CADPS: variants seen among roughly 807,000 people sequenced by gnomAD.
The protein encoded by CADPS is calcium-dependent secretion activator 1.
Under a neutral mutation model 167.3 loss-of-function variants are expected in CADPS, and 57 were observed. That is an observed-to-expected ratio of 0.34 (90% CI 0.28 to 0.42). The LOEUF (loss-of-function observed/expected upper bound fraction) is 0.42, where lower values mean the gene tolerates loss of function less well. Among genes scored for constraint, CADPS ranks in the 20% least tolerant of loss-of-function variants. CADPS has a pLI of 1.00. For synonymous variants in CADPS, 676 were observed against 635.3 expected, an observed-to-expected ratio of 1.06 and a Z score of -0.96; for missense variants, 1,414 against 1,738.1, an observed-to-expected ratio of 0.81 and a Z score of 3.32.
chr3:62,827,341 G>A (rs1338100012), intron 1 of CADPS, among the ~76,000 whole-genome samples: 3 of 152,132 alleles, frequency 2.0e-5, no homozygotes, highest in Admixed American at 1.3e-4. Context: ...ACCTTATGGG[G>A]GATGAACAAG....
At chr3:62,661,393 C>T (rs2073167504) in intron 4 of CADPS, among the ~76,000 whole-genome samples, 1 of 152,066 alleles carries the variant, frequency 6.6e-6, no homozygotes. Context: ...AGGGGAGAAA[C>T]ATGGTTACTC....
intron 8 of CADPS, among the ~76,000 whole-genome samples, chr3:62,576,813 A>AAAAAAAAAAAAAAAG (rs1562375615): frequency 1.0e-4 from 15 of 149,402 alleles, no homozygotes; most frequent in African/African-American, 3.5e-4. Flanking sequence ...AAAAAAAAAA[A>AAAAAAAAAAAAAAAG]AAAAGCAGTC....
At chr3:62,772,937 G>T (rs962514503) in intron 1 of CADPS, among the ~76,000 whole-genome samples, 3 of 152,046 alleles carry the variant, frequency 2.0e-5, no homozygotes, top group Non-Finnish European at 4.4e-5. Context: ...AAAGTATAAT[G>T]TCAGCATTGT....
At chr3:62,579,215 G>A (rs1029060358) in intron 8 of CADPS, among the ~76,000 whole-genome samples, 3 of 152,150 alleles carry the variant, frequency 2.0e-5, no homozygotes, top group Non-Finnish European at 2.9e-5. Context: ...AGGTTGGATC[G>A]AAAGCAATAA....
chr3:62,693,410 A>T (rs36020794), intron 3 of CADPS, among the ~76,000 whole-genome samples: 12,078 of 152,160 alleles, frequency 0.079, 633 homozygotes, highest in Non-Finnish European at 0.12. Context: ...CCCAGCCTCA[A>T]GCCAGACACA....
intron 3 of CADPS, among the ~76,000 whole-genome samples, chr3:62,693,421 G>A (rs961078351): frequency 6.6e-6 from 1 of 152,068 alleles, no homozygotes; most frequent in African/African-American, 2.4e-5. Flanking sequence ...GCCAGACACA[G>A]AGCAGGTTCT....
At chr3:62,445,920 C>G (rs527237297) in intron 26 of CADPS, 123 bp from the exon 27 acceptor site, 1 of 574,176 alleles carries the variant, frequency 1.7e-6, no homozygotes, top group African/African-American at 1.9e-5. Flanking sequence ...CCAGGAAAAA[C>G]AGAAAGGTAC....
intron 16 of CADPS, chr3:62,513,798 A>G (rs142318392): frequency 1.2e-4 from 94 of 766,230 alleles, no homozygotes; most frequent in Admixed American, 7.1e-4. Context: ...CATTAGCTCA[A>G]AGGAAAATAG....
intron 28 of CADPS, among the ~76,000 whole-genome samples, chr3:62,436,606 C>T (rs1243370753): frequency 1.3e-5 from 2 of 152,152 alleles, no homozygotes; most frequent in Non-Finnish European, 2.9e-5. Flanking sequence ...AGGGGGAGGA[C>T]CCGCTGGTGA....
chr3:62,589,778 G>T (rs538296644), intron 7 of CADPS, among the ~76,000 whole-genome samples: 1 of 152,264 alleles, frequency 6.6e-6, no homozygotes, highest in South Asian at 2.1e-4. Context: ...TAAAACAAAG[G>T]ATTTCAATAT....
At chr3:62,857,310 C>G (rs1295148111) in intron 1 of CADPS, among the ~76,000 whole-genome samples, 2 of 151,982 alleles carry the variant, frequency 1.3e-5, no homozygotes, top group East Asian at 3.9e-4. Context: ...CACTCATGCT[C>G]CACTAGTGGG....
chr3:62,662,677 C>A (rs1479767844), intron 3 of CADPS, among the ~76,000 whole-genome samples: 1 of 152,108 alleles, frequency 6.6e-6, no homozygotes, highest in Non-Finnish European at 1.5e-5. Flanking sequence ...TAATGAGGAC[C>A]AATGCACACT....
intron 3 of CADPS, among the ~76,000 whole-genome samples, chr3:62,745,124 C>A (rs2081175824): frequency 6.6e-6 from 1 of 152,044 alleles, no homozygotes; most frequent in Non-Finnish European, 1.5e-5. Context: ...GCTCTGTCAC[C>A]CAGGCTGGAG....
intron 1 of CADPS, among the ~76,000 whole-genome samples, chr3:62,832,265 G>C (rs1345978449): frequency 6.6e-6 from 1 of 152,172 alleles, no homozygotes; most frequent in African/African-American, 2.4e-5. Flanking sequence ...CTATTGTACA[G>C]TTAAGGTTGA....
intron 10 of CADPS, among the ~76,000 whole-genome samples, chr3:62,556,819 T>C (rs2078228430): frequency 6.6e-6 from 1 of 151,930 alleles, no homozygotes; most frequent in Non-Finnish European, 1.5e-5. Flanking sequence ...AAGGGCTTCA[T>C]TGTCTCTGCT....
intron 3 of CADPS, among the ~76,000 whole-genome samples, chr3:62,680,999 T>G (rs2151027714): frequency 6.6e-6 from 1 of 152,132 alleles, no homozygotes; most frequent in Admixed American, 6.5e-5. Flanking sequence ...ACTCCCGCCA[T>G]GTTCCCTGTG....
At chr3:62,857,849 G>T (rs1305476767) in intron 1 of CADPS, among the ~76,000 whole-genome samples, 2 of 151,738 alleles carry the variant, frequency 1.3e-5, no homozygotes, top group Non-Finnish European at 2.9e-5. Flanking sequence ...AATTCATTTT[G>T]CTTATCTCTT....
intron 8 of CADPS, among the ~76,000 whole-genome samples, chr3:62,583,866 AC>A (rs1164264789): frequency 6.6e-6 from 1 of 151,928 alleles, no homozygotes; most frequent in African/African-American, 2.4e-5. Context: ...CTGCTCATCT[AC>A]TGGGAAGTTC....
At chr3:62,699,760 G>C (rs1457802677) in intron 3 of CADPS, among the ~76,000 whole-genome samples, 1 of 151,980 alleles carries the variant, frequency 6.6e-6, no homozygotes, top group Non-Finnish European at 1.5e-5. Context: ...GTAGAAATGG[G>C]GTTTTGCTAC....
Sources: gnomAD v4.1 joint callset for allele counts (sites outside exome capture counted in the v4.1 genomes callset) on GRCh38, gnomAD v4.1.1 for gene constraint, MANE v1.5 for transcripts, NCBI Gene and HGNC (gene_info 2026-07-23, HGNC 2026-07-21) for gene names.